RHBDD1: variants seen among roughly 807,000 people sequenced by gnomAD.
RHBDD1 encodes the protein rhomboid-related protein 4.
RHBDD1 carries 38 observed loss-of-function variants against 36.3 expected under a neutral mutation model. That is an observed-to-expected ratio of 1.05 (90% CI 0.81 to 1.37). RHBDD1 has a LOEUF of 1.37. Among genes scored for constraint, RHBDD1 ranks in the 40% most tolerant of loss-of-function variants. The pLI is 0.00. For synonymous variants in RHBDD1, 151 were observed against 136.5 expected (o/e 1.11, Z -0.74); for missense variants, 393 against 377.6 (o/e 1.04, Z -0.34).
the RHBDD1 span, among the ~76,000 whole-genome samples, chr2:226,818,707 C>T: frequency 2.3e-3 from 353 of 151,588 alleles, 2 homozygotes; most frequent in African/African-American, 7.9e-3. Flanking sequence ...GGCGTGGTGG[C>T]GGGCACCTGT....
intron 8 of RHBDD1, among the ~76,000 whole-genome samples, chr2:226,989,665 A>T (rs993618133): frequency 2.0e-5 from 3 of 152,216 alleles, no homozygotes; most frequent in African/African-American, 7.2e-5. Context: ...TCTATATTGC[A>T]GGAAACACTG....
Position 226,864,687 on chromosome 2 carries a change from T to C in RHBDD1, c.-7T>C, listed in dbSNP as rs370707612. On this transcript the variant is annotated 5_prime_UTR_variant, in exon 4 of 9. Coordinates refer to ENST00000392062, the MANE Select transcript of RHBDD1 (RefSeq NM_001167608.3). ...CCATTGCTGAGCTGTTTCCCTGATATCTGGCCATGCAACGGAGATCAAGAG... is the reference window on the plus strand; with the variant it reads ...CCATTGCTGAGCTGTTTCCCTGATACCTGGCCATGCAACGGAGATCAAGAG... The C allele has an allele frequency of 7.3e-5, 118 of 1,610,178 alleles. No homozygotes were observed. The highest frequency in any genetic ancestry group is 8.8e-5 in the Non-Finnish European group (104 of 1,177,450).
chr2:226,900,403 C>CT (rs1373733190), intron 5 of RHBDD1, among the ~76,000 whole-genome samples: 1 of 152,126 alleles, frequency 6.6e-6, no homozygotes, highest in African/African-American at 2.4e-5. Context: ...ATCTGTGTAG[C>CT]TAAAGGCAGC....
chr2:226,985,695 A>G (rs1485141441), intron 8 of RHBDD1, among the ~76,000 whole-genome samples: 1 of 152,206 alleles, frequency 6.6e-6, no homozygotes, highest in Non-Finnish European at 1.5e-5. Context: ...ATCAGCAACT[A>G]TTTCTTAAAC....
the RHBDD1 span, among the ~76,000 whole-genome samples, chr2:226,811,626 A>G: frequency 6.6e-6 from 1 of 152,246 alleles, no homozygotes; most frequent in South Asian, 2.1e-4. Context: ...TTGCCGGACA[A>G]TATTTATTTA....
chr2:226,885,795 G>T (rs752783858), intron 5 of RHBDD1, among the ~76,000 whole-genome samples: 2 of 152,132 alleles, frequency 1.3e-5, no homozygotes, highest in African/African-American at 4.8e-5. Flanking sequence ...CCTGTTATCT[G>T]CAGGAGATAC....
At chr2:226,829,678 G>A in the RHBDD1 span, among the ~76,000 whole-genome samples, 1 of 152,048 alleles carries the variant, frequency 6.6e-6, no homozygotes, top group Non-Finnish European at 1.5e-5. Context: ...AGAGAAATAT[G>A]TTTTTCAAAA....
rs185780345 is a variant in RHBDD1 at position 226,988,695 on chromosome 2, C to T, written c.857-6736C>T. 69 of 972,120 alleles carry T rather than the reference C, an allele frequency of 7.1e-5. No homozygotes were observed. The East Asian group carries it at 5.5e-3, about 77-fold the overall frequency. The allele number at this position is 972,120 out of a possible 1,614,324, so 60.2% of individuals were successfully genotyped here. ...CGAAGGGTTTTCATACTTTTTCTAT[C>T]ATTTTACAGACCTCATATACATAGA... On this transcript the variant is annotated intron_variant, in intron 8 of 8. Coordinates refer to ENST00000392062, the MANE Select transcript of RHBDD1 (RefSeq NM_001167608.3).
intron 3 of RHBDD1, among the ~76,000 whole-genome samples, chr2:226,851,253 T>C (rs567828186): frequency 2.0e-5 from 3 of 152,132 alleles, no homozygotes; most frequent in Admixed American, 1.3e-4. Flanking sequence ...TCTTTCTCCA[T>C]CTATGTCTCT....
rs953334372 is a variant in RHBDD1, at chr2:226,901,546, A to G, written c.567-5247A>G. On this transcript the variant is annotated intron_variant, in intron 5 of 8. Coordinates refer to ENST00000392062, the MANE Select transcript of RHBDD1 (RefSeq NM_001167608.3). Reference sequence around the variant, plus strand: ...TTACATCCTTGCCCACACTTGTTGTATCATTTGATTTTTTATAGTAGTCAT... The same window carrying G: ...TTACATCCTTGCCCACACTTGTTGTGTCATTTGATTTTTTATAGTAGTCAT... 2.0e-5 allele frequency among the ~76,000 whole-genome samples: 3 copies of G among 152,170 alleles called. No individual in the cohort carries two copies. In the South Asian group the frequency reaches 6.2e-4, roughly 31 times the overall value.
At chr2:226,905,368 G>A (rs1947965378) in intron 5 of RHBDD1, among the ~76,000 whole-genome samples, 1 of 152,104 alleles carries the variant, frequency 6.6e-6, no homozygotes, top group African/African-American at 2.4e-5. Context: ...CTCTTCAACT[G>A]GGGTGGCATT....
intron 8 of RHBDD1, among the ~76,000 whole-genome samples, chr2:226,986,451 T>A (rs1007534995): frequency 6.6e-6 from 1 of 152,090 alleles, no homozygotes; most frequent in African/African-American, 2.4e-5. Context: ...AATTTAAAAT[T>A]ATTCCAAAAT....
chr2:226,888,960 A>C (rs1279067441), intron 5 of RHBDD1, among the ~76,000 whole-genome samples: 1 of 152,238 alleles, frequency 6.6e-6, no homozygotes, highest in Non-Finnish European at 1.5e-5. Flanking sequence ...AGTTGGATAC[A>C]GAAAGGGTGA....
chr2:226,911,310 T>A (rs1415404357), intron 7 of RHBDD1, among the ~76,000 whole-genome samples: 1 of 152,112 alleles, frequency 6.6e-6, no homozygotes, highest in African/African-American at 2.4e-5. Context: ...AAAGTGATAA[T>A]GAGCCATGTG....
chr2:226,867,097 C>A, intron 4 of RHBDD1, 89 bp from the exon 5 acceptor site: 2 of 1,287,088 alleles, frequency 1.6e-6, no homozygotes, highest in African/African-American at 1.5e-5. Context: ...ATCGAATAAT[C>A]ATTTTCACTT....
At chr2:226,934,370 C>A (rs968135290) in intron 8 of RHBDD1, among the ~76,000 whole-genome samples, 4 of 152,040 alleles carry the variant, frequency 2.6e-5, no homozygotes, top group Non-Finnish European at 5.9e-5. Context: ...ACAAAATTGC[C>A]TAATGACACA....
Position 226,869,932 on chromosome 2 carries a change from A to G in RHBDD1, c.566+2614A>G, listed in dbSNP as rs191284188. Reference sequence around the variant, plus strand: ...AGGCTTCTGTCCCTTCCCACCTCCTACCCCCACCAAGATTCTGTTGATGGG... The same window carrying G: ...AGGCTTCTGTCCCTTCCCACCTCCTGCCCCCACCAAGATTCTGTTGATGGG... On this transcript the variant is annotated intron_variant, in intron 5 of 8. Transcript: ENST00000392062. 5.9e-5 allele frequency among the ~76,000 whole-genome samples: 9 copies of G among 151,518 alleles called. No homozygotes were observed. The East Asian group carries it at 1.7e-3, about 29-fold the overall frequency.
chr2:226,838,832 GT>G (rs1941298919), intron 2 of RHBDD1, among the ~76,000 whole-genome samples: 1 of 152,158 alleles, frequency 6.6e-6, no homozygotes, highest in South Asian at 2.1e-4. Flanking sequence ...ACCATCTTCA[GT>G]TTTATCACTG....
At chr2:226,802,079 C>G in the RHBDD1 span, among the ~76,000 whole-genome samples, 2 of 149,168 alleles carry the variant, frequency 1.3e-5, no homozygotes, top group African/African-American at 4.9e-5. Context: ...GGGAAAAATA[C>G]TCTTTTCTGG....
Sources: allele counts gnomAD v4.1 joint callset (sites outside exome capture counted in the v4.1 genomes callset), GRCh38; gene constraint gnomAD v4.1.1; transcripts MANE v1.5; gene names NCBI Gene and HGNC (gene_info 2026-07-23, HGNC 2026-07-21).